COXFA4L3: variants seen among roughly 807,000 people sequenced by gnomAD.
COXFA4L3 encodes MIR147B host.
At chr15:45,433,155 G>T in the COXFA4L3 span, 1 of 901,380 alleles carries the variant, frequency 1.1e-6, no homozygotes, top group East Asian at 2.4e-5. Flanking sequence ...TTGGGCTCTG[G>T]ATAAGGAATT....
the COXFA4L3 span, chr15:45,432,197 A>G: frequency 7.6e-7 from 1 of 1,317,304 alleles, no homozygotes; most frequent in Non-Finnish European, 1.1e-6. Flanking sequence ...TGTGAGCAAA[A>G]TAGATTTAGT....
the COXFA4L3 span, chr15:45,431,021 C>G: frequency 6.8e-6 from 11 of 1,614,014 alleles, no homozygotes; most frequent in South Asian, 1.1e-5. Context: ...TGGTGGTGTT[C>G]ATGACTGTGG....
At chr15:45,432,198 T>C in the COXFA4L3 span, 3 of 1,260,646 alleles carry the variant, frequency 2.4e-6, no homozygotes, top group South Asian at 1.3e-5. Flanking sequence ...GTGAGCAAAA[T>C]AGATTTAGTA....
the COXFA4L3 span, chr15:45,431,396 CTTG>C: frequency 4.3e-6 from 1 of 235,206 alleles, no homozygotes; most frequent in Non-Finnish European, 7.9e-6. Context: ...TGAAGTAAAG[CTTG>C]TTTTTTTTTT....
At chr15:45,431,360 A>G in the COXFA4L3 span, 2 of 309,440 alleles carry the variant, frequency 6.5e-6, no homozygotes, top group Non-Finnish European at 1.2e-5. Context: ...TCTTTTACCC[A>G]TTGGCCCTTC....
At chr15:45,432,854 TA>T in the COXFA4L3 span, 1 of 980,372 alleles carries the variant, frequency 1.0e-6, no homozygotes, top group African/African-American at 1.6e-5. Context: ...ATGCTTTTTC[TA>T]AAGGGGAGTG....
At chr15:45,431,246 G>A in the COXFA4L3 span, 3 of 494,682 alleles carry the variant, frequency 6.1e-6, no homozygotes, top group Non-Finnish European at 1.1e-5. Context: ...AAACTCTTAT[G>A]ATATTGTCTA....
chr15:45,432,618 T>C, the COXFA4L3 span, among the ~76,000 whole-genome samples: 1 of 152,194 alleles, frequency 6.6e-6, no homozygotes, highest in East Asian at 1.9e-4. Context: ...TGAGTTGCAG[T>C]TGTGCCACTG....
At chr15:45,433,233 C>T in the COXFA4L3 span, 1 of 503,914 alleles carries the variant, frequency 2.0e-6, no homozygotes, top group Admixed American at 3.5e-5. Context: ...TTGAATATTG[C>T]ATATTGAAAT....
At chr15:45,432,076 G>A in the COXFA4L3 span, 1 of 1,611,732 alleles carries the variant, frequency 6.2e-7, no homozygotes, top group Non-Finnish European at 8.5e-7. Context: ...TTTTAGCCTT[G>A]ATCGAAAAAA....
the COXFA4L3 span, chr15:45,431,399 G>GT: frequency 0.13 from 24,083 of 183,610 alleles, 872 homozygotes; most frequent in Middle Eastern, 0.21. Context: ...AGTAAAGCTT[G>GT]TTTTTTTTTT....
At chr15:45,431,399 G>GTTT in the COXFA4L3 span, 151 of 184,648 alleles carry the variant, frequency 8.2e-4, no homozygotes, top group African/African-American at 3.4e-3. Context: ...AGTAAAGCTT[G>GTTT]TTTTTTTTTT....
At chr15:45,430,743 T>G in the COXFA4L3 span, 1 of 1,575,060 alleles carries the variant, frequency 6.3e-7, no homozygotes. Context: ...CACCAGGCGA[T>G]CAATACTTTG....
At chr15:45,432,740 G>A in the COXFA4L3 span, among the ~76,000 whole-genome samples, 5 of 152,170 alleles carry the variant, frequency 3.3e-5, no homozygotes, top group African/African-American at 1.2e-4. Flanking sequence ...TAACACTTAG[G>A]AGCCCAAGGG....
At chr15:45,431,165 A>C in the COXFA4L3 span, 2 of 1,264,176 alleles carry the variant, frequency 1.6e-6, no homozygotes, top group East Asian at 5.0e-5. Flanking sequence ...TAAGTTTCCT[A>C]TTTTTTTCCC....
the COXFA4L3 span, among the ~76,000 whole-genome samples, chr15:45,432,766 G>T: frequency 1.1e-4 from 16 of 152,304 alleles, no homozygotes; most frequent in South Asian, 3.3e-3. Context: ...TAAAAAGATG[G>T]ACTGATAGAA....
the COXFA4L3 span, chr15:45,431,012 G>C: frequency 6.2e-7 from 1 of 1,613,998 alleles, no homozygotes; most frequent in Non-Finnish European, 8.5e-7. Flanking sequence ...TCATTCCCTT[G>C]GTGGTGTTCA....
At chr15:45,432,897 A>G in the COXFA4L3 span, 22 of 1,534,676 alleles carry the variant, frequency 1.4e-5, no homozygotes, top group Non-Finnish European at 2.0e-5. Context: ...CATGCAAATG[A>G]AAGTCAAATT....
the COXFA4L3 span, chr15:45,431,161 T>C: frequency 1.2e-5 from 16 of 1,299,520 alleles, no homozygotes; most frequent in South Asian, 2.8e-5. Flanking sequence ...TGTATAAGTT[T>C]CCTATTTTTT....
Sources: allele counts gnomAD v4.1 joint callset (sites outside exome capture counted in the v4.1 genomes callset), GRCh38; gene constraint gnomAD v4.1.1; transcripts MANE v1.5; gene names NCBI Gene and HGNC (gene_info 2026-07-23, HGNC 2026-07-21).